Variants in BICC1 observed in about 807,000 individuals in gnomAD.
BICC1 encodes protein bicaudal C homolog 1.
Under a neutral mutation model 111.0 loss-of-function variants are expected in BICC1, and 43 were observed. The ratio of observed to expected loss-of-function variants is 0.39; its 90% CI spans 0.30 to 0.50. The LOEUF is 0.50. Ranked by LOEUF, BICC1 falls within the 20% of genes least tolerant of loss-of-function variation. The pLI, the probability that BICC1 is intolerant of heterozygous loss-of-function variation, is 0.88. For synonymous variants in BICC1, 467 were observed against 434.4 expected, an observed-to-expected ratio of 1.07 and a Z score of -0.93; for missense variants, 1,091 against 1,203.2, an observed-to-expected ratio of 0.91 and a Z score of 1.38.
chr10:58,679,867 C>T (rs114113147), intron 2 of BICC1, among the ~76,000 whole-genome samples: 73 of 152,164 alleles, frequency 4.8e-4, no homozygotes, highest in African/African-American at 1.6e-3. Flanking sequence ...CCCTGGGATG[C>T]GCAAGGCAGG....
At chr10:58,541,386 T>G (rs78717926) in intron 1 of BICC1, among the ~76,000 whole-genome samples, 4,260 of 152,030 alleles carry the variant, frequency 0.028, 189 homozygotes, top group African/African-American at 0.097. Context: ...CACACAAAAG[T>G]CAGTTACATT....
intron 1 of BICC1, among the ~76,000 whole-genome samples, chr10:58,530,121 A>G (rs1842641389): frequency 6.6e-6 from 1 of 151,836 alleles, no homozygotes; most frequent in South Asian, 2.1e-4. Flanking sequence ...AAGAGAGGAA[A>G]CGTATCTGTA....
intron 1 of BICC1, among the ~76,000 whole-genome samples, chr10:58,535,304 T>C (rs1842796552): frequency 6.6e-6 from 1 of 151,556 alleles, no homozygotes; most frequent in Non-Finnish European, 1.5e-5. Flanking sequence ...CTAAAGTCAA[T>C]GTGAAGGAAA....
intron 1 of BICC1, among the ~76,000 whole-genome samples, chr10:58,596,049 A>G (rs1844803047): frequency 6.6e-6 from 1 of 152,240 alleles, no homozygotes; most frequent in African/African-American, 2.4e-5. Context: ...TCCCACAGAA[A>G]TACAAACTAC....
intron 1 of BICC1, among the ~76,000 whole-genome samples, chr10:58,595,975 A>T (rs1844800329): frequency 6.6e-6 from 1 of 152,244 alleles, no homozygotes; most frequent in Non-Finnish European, 1.5e-5. Context: ...AGCCAGACTA[A>T]TAAGAAAGGA....
rs567084954 is a variant in BICC1, at chr10:58,536,944, A to T, written c.190+23611A>T. 3.3e-5 allele frequency among the ~76,000 whole-genome samples: 5 copies of T among 151,986 alleles called. No homozygotes were observed. The East Asian group carries it at 5.8e-4, about 18-fold the overall frequency. ...GCACCTCTATGCACACAAGCTAGAA[A>T]ATCTAGCGGAAATGGATAAATTCCC... On this transcript the variant is annotated intron_variant, in intron 1 of 20. Transcript: ENST00000373886.
chr10:58,686,925 G>A (rs570688516), intron 2 of BICC1, among the ~76,000 whole-genome samples: 17 of 152,292 alleles, frequency 1.1e-4, no homozygotes, highest in African/African-American at 2.6e-4. Context: ...GCGAGGAGGC[G>A]CGTTCTTTTT....
At chr10:58,643,054 A>G (rs1447263810) in intron 2 of BICC1, among the ~76,000 whole-genome samples, 1 of 152,198 alleles carries the variant, frequency 6.6e-6, no homozygotes, top group Admixed American at 6.5e-5. Flanking sequence ...TTATTTACCA[A>G]AGAGGTTTGT....
At chr10:58,611,591 T>A in intron 1 of BICC1, among the ~76,000 whole-genome samples, 1 of 151,980 alleles carries the variant, frequency 6.6e-6, no homozygotes. Flanking sequence ...TTCTCCTGTC[T>A]CAGCCTCCCA....
At chr10:58,524,211 A>G (rs1306223834) in intron 1 of BICC1, among the ~76,000 whole-genome samples, 1 of 152,180 alleles carries the variant, frequency 6.6e-6, no homozygotes, top group Non-Finnish European at 1.5e-5. Context: ...TTTAAAGTTC[A>G]TATGGAACCA....
chr10:58,792,229 G>C (rs1202156029), intron 8 of BICC1, among the ~76,000 whole-genome samples: 1 of 151,536 alleles, frequency 6.6e-6, no homozygotes, highest in Non-Finnish European at 1.5e-5. Flanking sequence ...AGACTCAGTA[G>C]ATCAGAGGCT....
chr10:58,640,480 T>C (rs1490540157), intron 2 of BICC1, among the ~76,000 whole-genome samples: 1 of 152,248 alleles, frequency 6.6e-6, no homozygotes, highest in Non-Finnish European at 1.5e-5. Flanking sequence ...AAATAAATTA[T>C]GGACTGCCCT....
At chr10:58,588,149 A>G (rs1030078203) in intron 1 of BICC1, among the ~76,000 whole-genome samples, 5 of 152,230 alleles carry the variant, frequency 3.3e-5, no homozygotes, top group African/African-American at 1.2e-4. Flanking sequence ...TATATGCTCT[A>G]TGTATCTTAT....
chr10:58,596,866 A>G (rs1844831361), intron 1 of BICC1, among the ~76,000 whole-genome samples: 1 of 152,216 alleles, frequency 6.6e-6, no homozygotes, highest in South Asian at 2.1e-4. Context: ...GGACCTCTTC[A>G]AGGAGAACTA....
intron 11 of BICC1, 70 bp from the exon 12 acceptor site, chr10:58,798,986 A>C: frequency 8.5e-7 from 1 of 1,177,282 alleles, no homozygotes; most frequent in Non-Finnish European, 1.2e-6. Context: ...TGATATTTTT[A>C]TTGTTAATAA....
At position 58,648,296 on chromosome 10, in the gene BICC1, T is replaced by C. The variant is rs890342818; in HGVS notation, c.237+27395T>C. On this transcript the variant is annotated intron_variant, in intron 2 of 20. Transcript: ENST00000373886. ...ATTTTCACAACTGCCCTCTTTGAACTGTGTTCTCATATGTAACAGATTGTA... is the reference window on the plus strand; with the variant it reads ...ATTTTCACAACTGCCCTCTTTGAACCGTGTTCTCATATGTAACAGATTGTA... Among the ~76,000 whole-genome samples, 4 of 152,196 alleles carry C rather than the reference T, an allele frequency of 2.6e-5. No homozygotes were observed. The South Asian group carries it at 8.3e-4, about 31-fold the overall frequency.
At chr10:58,784,528 T>C (rs750101545) in intron 3 of BICC1, among the ~76,000 whole-genome samples, 4 of 152,210 alleles carry the variant, frequency 2.6e-5, no homozygotes, top group African/African-American at 4.8e-5. Context: ...TCCAAGCTTC[T>C]GAGTGGTTTT....
chr10:58,758,499 T>C (rs1842209278), intron 3 of BICC1, among the ~76,000 whole-genome samples: 1 of 152,224 alleles, frequency 6.6e-6, no homozygotes, highest in South Asian at 2.1e-4. Context: ...CTAGTTTTTC[T>C]CCTCTTCCCT....
chr10:58,798,273 T>C, intron 10 of BICC1, 126 bp from the exon 11 acceptor site: 1 of 732,342 alleles, frequency 1.4e-6, no homozygotes, highest in Non-Finnish European at 2.0e-6. Context: ...AAATCTGTCA[T>C]CCATATTTTA....
Sources: gnomAD v4.1 joint callset for allele counts (sites outside exome capture counted in the v4.1 genomes callset) on GRCh38, gnomAD v4.1.1 for gene constraint, MANE v1.5 for transcripts, NCBI Gene and HGNC (gene_info 2026-07-23, HGNC 2026-07-21) for gene names.